The following EPYC variants were observed in gnomAD, a reference collection of about 807,000 sequenced individuals.
The protein encoded by EPYC is epiphycan.
Under a neutral mutation model 30.1 loss-of-function variants are expected in EPYC, and 28 were observed. The observed-to-expected ratio is 0.93, with a 90% CI of 0.69 to 1.28. The LOEUF is 1.28. Among genes scored for constraint, EPYC ranks in the 50% most tolerant of loss-of-function variants. EPYC has a pLI of 0.00. For missense variants in EPYC, 382 were observed against 383.5 expected (o/e 1.00, Z 0.03); for synonymous variants, 144 against 141.4 (o/e 1.02, Z -0.13).
chr12:90,977,980 A>G (rs2120824077), intron 3 of EPYC, 108 bp downstream of exon 3: 1 of 994,968 alleles, frequency 1.0e-6, no homozygotes, highest in East Asian at 2.9e-5. Context: ...CCTATTCCAA[A>G]ACTTTTTTCT....
At chr12:90,991,983 A>G (rs1877595573) in intron 2 of EPYC, among the ~76,000 whole-genome samples, 2 of 152,142 alleles carry the variant, frequency 1.3e-5, no homozygotes. Flanking sequence ...AAAAATATCA[A>G]CAGCAACTTC....
At chr12:90,988,541 T>G (rs1565874518) in intron 2 of EPYC, among the ~76,000 whole-genome samples, 1 of 152,110 alleles carries the variant, frequency 6.6e-6, no homozygotes, top group Non-Finnish European at 1.5e-5. Context: ...TGTTCTCCAA[T>G]TATGAAAATA....
chr12:90,990,808 C>T (rs551524892), intron 2 of EPYC, among the ~76,000 whole-genome samples: 2 of 152,064 alleles, frequency 1.3e-5, no homozygotes, highest in Non-Finnish European at 2.9e-5. Flanking sequence ...TAAAAAAACA[C>T]CCTGCCAAAA....
intron 2 of EPYC, among the ~76,000 whole-genome samples, chr12:90,995,157 T>A (rs1033634205): frequency 2.0e-5 from 3 of 152,138 alleles, no homozygotes; most frequent in Admixed American, 2.0e-4. Flanking sequence ...CATGAATACC[T>A]GGCAATGAAG....
rs115903918 is a variant in EPYC at position 90,964,199 on chromosome 12, G to T, written c.926C>A (p.Ala309Glu). 8.6e-4 allele frequency: 1,384 copies of T among 1,613,374 alleles called. 1 individual carries two copies. Among genetic ancestry groups the T allele is most frequent in the South Asian group, 1.1e-3 (96 of 90,968 alleles). ...NPINLSKTPQ[A>E]YMCLPRLPVG... is the part of the protein sequence containing the mutation. ...AGGCAGACGAGGTAGACACATGTATGCTTGAGGAGTTTTGCTGAGATTAAT... is the reference window on the plus strand; with the variant it reads ...AGGCAGACGAGGTAGACACATGTATTCTTGAGGAGTTTTGCTGAGATTAAT... Residue 309 changes from alanine to glutamate, a missense_variant, in exon 7 of 7, where the codon GCA becomes GAA. Transcript: ENST00000261172.
At chr12:90,966,637 T>C (rs1202911645) in intron 6 of EPYC, among the ~76,000 whole-genome samples, 2 of 152,092 alleles carry the variant, frequency 1.3e-5, no homozygotes, top group Non-Finnish European at 2.9e-5. Context: ...TTGGGTAATA[T>C]TGGCTTCACA....
chr12:90,966,884 G>A (rs1421125793), intron 6 of EPYC, among the ~76,000 whole-genome samples: 1 of 151,934 alleles, frequency 6.6e-6, no homozygotes, highest in African/African-American at 2.4e-5. Context: ...CTAGAAATCT[G>A]TTCATTTAAT....
chr12:90,973,077 T>C (rs1274868272), intron 3 of EPYC, 97 bp from the exon 4 acceptor site: 1 of 670,604 alleles, frequency 1.5e-6, no homozygotes, highest in Non-Finnish European at 2.3e-6. Context: ...AGTCTCCCAC[T>C]AACCAAGTAG....
At chr12:90,978,297 C>T (rs763224805) in intron 2 of EPYC, 35 bp from the exon 3 acceptor site, 2 of 1,560,434 alleles carry the variant, frequency 1.3e-6, no homozygotes, top group Non-Finnish European at 1.7e-6. Flanking sequence ...TTTCTTCAGG[C>T]CAACTTCTCA....
At chr12:90,987,414 C>T (rs1055143782) in intron 2 of EPYC, among the ~76,000 whole-genome samples, 4 of 150,350 alleles carry the variant, frequency 2.7e-5, no homozygotes, top group Non-Finnish European at 6.0e-5. Flanking sequence ...ATACTCCTGA[C>T]CAAAATTGGC....
chr12:90,987,559 C>T (rs1331685288), intron 2 of EPYC, among the ~76,000 whole-genome samples: 1 of 152,180 alleles, frequency 6.6e-6, no homozygotes, highest in East Asian at 1.9e-4. Context: ...CAGACATCTC[C>T]ATGTCTGCCT....
chr12:90,981,632 C>T (rs779632270), intron 2 of EPYC, among the ~76,000 whole-genome samples: 3 of 151,952 alleles, frequency 2.0e-5, no homozygotes, highest in Non-Finnish European at 4.4e-5. Flanking sequence ...ATATTGCTGC[C>T]ACTAAGCCTA....
intron 3 of EPYC, among the ~76,000 whole-genome samples, chr12:90,974,072 A>ACC (rs1359369928): frequency 1.1e-3 from 163 of 144,180 alleles, no homozygotes; most frequent in South Asian, 1.8e-3. Context: ...ACACACACAC[A>ACC]CCCCTACCTC....
chr12:91,000,623 G>C (rs1291686036), intron 2 of EPYC, among the ~76,000 whole-genome samples: 1 of 151,668 alleles, frequency 6.6e-6, no homozygotes, highest in Non-Finnish European at 1.5e-5. Context: ...ACTTGTGAAA[G>C]GAATAAATAG....
chr12:90,971,996 A>G lies in EPYC; in HGVS notation c.506T>C (p.Leu169Ser). The G allele has an allele frequency of 1.3e-6, 2 of 1,551,568 alleles. No homozygotes were observed. The highest frequency in any genetic ancestry group is 1.8e-6 in the Non-Finnish European group (2 of 1,140,560). Residue 169 changes from leucine to serine, a missense_variant, in exon 5 of 7, where the codon TTA becomes TCA. Physicochemically the swap from Leu to Ser is moderately radical, Grantham distance 145. Transcript: ENST00000261172. ...ATTTGATGTCAGATCAATCCTTTTT[A>G]AATCACCTAGCAGAAAAAAATAAAG... ...NKNDFASLSD[L>S]KRIDLTSNLI...
At chr12:90,976,986 C>T (rs1877200307) in intron 3 of EPYC, among the ~76,000 whole-genome samples, 1 of 152,014 alleles carries the variant, frequency 6.6e-6, no homozygotes, top group Non-Finnish European at 1.5e-5. Context: ...CCTCTTTTTT[C>T]TCTATAAATT....
At chr12:90,987,272 C>T (rs1391095821) in intron 2 of EPYC, among the ~76,000 whole-genome samples, 1 of 151,754 alleles carries the variant, frequency 6.6e-6, no homozygotes, top group East Asian at 1.9e-4. Flanking sequence ...CATGCTAGCC[C>T]TGAGATAACC....
intron 2 of EPYC, among the ~76,000 whole-genome samples, chr12:90,995,384 T>C (rs1161016269): frequency 1.3e-5 from 2 of 151,988 alleles, no homozygotes; most frequent in Non-Finnish European, 2.9e-5. Context: ...TTCTTAATAA[T>C]CAAATCACTT....
intron 2 of EPYC, among the ~76,000 whole-genome samples, chr12:90,995,902 T>C (rs1877683425): frequency 6.6e-6 from 1 of 151,934 alleles, no homozygotes; most frequent in Non-Finnish European, 1.5e-5. Flanking sequence ...GTAGATCATC[T>C]TTAGTAAAGA....
Sources: gnomAD v4.1 joint callset for allele counts (sites outside exome capture counted in the v4.1 genomes callset) on GRCh38, gnomAD v4.1.1 for gene constraint, MANE v1.5 for transcripts, NCBI Gene and HGNC (gene_info 2026-07-23, HGNC 2026-07-21) for gene names.